The following TSEN15 variants were observed in gnomAD, a reference collection of about 807,000 sequenced individuals.
The protein encoded by TSEN15 is tRNA splicing endonuclease subunit 15.
TSEN15 carries 10 observed loss-of-function variants against 20.5 expected under a neutral mutation model. The ratio of observed to expected loss-of-function variants is 0.49; its 90% CI spans 0.30 to 0.83. The LOEUF (loss-of-function observed/expected upper bound fraction) is 0.83, where lower values mean the gene tolerates loss of function less well. Among genes scored for constraint, TSEN15 ranks in the 40% least tolerant of loss-of-function variants. The probability of loss-of-function intolerance (pLI) is 0.06; values close to 1 mark genes in which losing one functional copy is unlikely to be tolerated. For missense variants in TSEN15, 180 were observed against 218.6 expected (o/e 0.82, Z 1.11); for synonymous variants, 72 against 80.1 (o/e 0.90, Z 0.54).
At chr1:184,074,649 G>C (rs1651023054), downstream of TSEN15, among the ~76,000 whole-genome samples, 1 of 152,150 alleles carries the variant, frequency 6.6e-6, no homozygotes, top group Non-Finnish European at 1.5e-5. Flanking sequence ...TTGATTGGAA[G>C]CAGGTCATAG....
chr1:184,095,186 T>C, intron 3 of TSEN15: 1 of 398,076 alleles, frequency 2.5e-6, no homozygotes. Flanking sequence ...TTCAGTGCTC[T>C]GCTCTAGTCT....
intron 3 of TSEN15, chr1:184,095,655 C>G (rs1572725307): frequency 5.1e-6 from 2 of 393,792 alleles, no homozygotes; most frequent in South Asian, 1.3e-4. Flanking sequence ...CTCTCTCTCT[C>G]TCTCTCTCTC....
rs140346547 is a variant in TSEN15 at position 184,072,439 on chromosome 1, G to T, written c.495+141G>T. ...TCAAGAAAAAAAGTCTTGATTTTCA[G>T]ACGTCAGAAAATTGGTTATATTTTG... On this transcript the variant is annotated intron_variant, in intron 4 of 4. Transcript: ENST00000645668. 1.6e-3 allele frequency: 1,329 copies of T among 807,692 alleles called. 11 individuals are homozygous for T. The highest frequency in any genetic ancestry group is 7.2e-3 in the African/African-American group (397 of 55,416). 50.0% of individuals were successfully genotyped at this position (807,692 alleles called of 1,614,324 possible).
chr1:184,089,437 A>G (rs1651318796), intron 3 of TSEN15, among the ~76,000 whole-genome samples: 1 of 152,078 alleles, frequency 6.6e-6, no homozygotes, highest in South Asian at 2.1e-4. Context: ...AGGTATTGAG[A>G]CCCTTCCCCC....
At chr1:184,070,987 C>A in intron 3 of TSEN15, 1 of 157,696 alleles carries the variant, frequency 6.3e-6, no homozygotes. Flanking sequence ...ATCATGGAGG[C>A]AGGGGTATCT....
chr1:184,072,503 A>G, intron 4 of TSEN15: 1 of 566,990 alleles, frequency 1.8e-6, no homozygotes, highest in South Asian at 2.9e-5. Flanking sequence ...TGCAAAAAAA[A>G]AATTGATTTC....
At chr1:184,053,020 C>T (rs1406885377) in intron 1 of TSEN15, among the ~76,000 whole-genome samples, 1 of 152,178 alleles carries the variant, frequency 6.6e-6, no homozygotes, top group Non-Finnish European at 1.5e-5. Context: ...GTAAGCCATT[C>T]AACATACAGA....
Position 184,090,367 on chromosome 1 carries a change from G to A in TSEN15, c.354-5323G>A, listed in dbSNP as rs1307328174. Among the ~76,000 whole-genome samples, 4 of 152,238 alleles carry A rather than the reference G, an allele frequency of 2.6e-5. No individual in the cohort carries two copies. The South Asian group carries it at 8.3e-4, about 32-fold the overall frequency. On this transcript the variant is annotated intron_variant, in intron 3 of 3. Coordinates refer to the TSEN15 transcript ENST00000643231. ...TGAAGGAATTCAGGCAAAAGATGAT[G>A]GAAATGATCTATATGTTGATTGTGG... is the stretch of plus-strand genomic sequence containing the variant.
intron 3 of TSEN15, chr1:184,070,598 C>G: frequency 8.8e-7 from 1 of 1,134,808 alleles, no homozygotes; most frequent in East Asian, 5.8e-5. Flanking sequence ...GTATCTTTTT[C>G]TATTATTATT....
At chr1:184,081,380 TCAGTTCCAGCTGCAGGAGG>T (rs1651164660) in intron 3 of TSEN15, among the ~76,000 whole-genome samples, 1 of 152,194 alleles carries the variant, frequency 6.6e-6, no homozygotes, top group Admixed American at 6.5e-5. Flanking sequence ...TGAAATGCTG[TCAGTTCCAGCTGCAGGAGG>T]CAGTTCCAGC....
chr1:184,061,921 C>T (rs16822387), intron 3 of TSEN15, among the ~76,000 whole-genome samples: 3,130 of 152,152 alleles, frequency 0.021, 116 homozygotes, highest in African/African-American at 0.072. Context: ...AGCACAAGTA[C>T]GTTTTGTGTT....
At chr1:184,065,043 A>G (rs934503048) in intron 3 of TSEN15, among the ~76,000 whole-genome samples, 4 of 152,200 alleles carry the variant, frequency 2.6e-5, no homozygotes, top group African/African-American at 9.6e-5. Context: ...TAAAAAAGGC[A>G]TCTCAAATTA....
intron 3 of TSEN15, among the ~76,000 whole-genome samples, chr1:184,089,072 G>A (rs1000453386): frequency 1.3e-5 from 2 of 152,326 alleles, no homozygotes; most frequent in African/African-American, 4.8e-5. Context: ...CAACATGGGC[G>A]TACTTGCCAG....
chr1:184,091,756 A>C (rs1651361572), intron 3 of TSEN15, among the ~76,000 whole-genome samples: 3 of 152,186 alleles, frequency 2.0e-5, no homozygotes, highest in African/African-American at 4.8e-5. Context: ...TCCTTAAATT[A>C]CTACCTGGGA....
At chr1:184,082,097 G>T (rs1475050231) in intron 3 of TSEN15, among the ~76,000 whole-genome samples, 3 of 152,162 alleles carry the variant, frequency 2.0e-5, no homozygotes, top group Non-Finnish European at 4.4e-5. Flanking sequence ...TTCTGGGATG[G>T]ATAGTTGTTT....
At position 184,055,071 on chromosome 1, in the gene TSEN15, A is replaced by T. The variant is rs1650198705; in HGVS notation, c.353+208A>T. 7 of 307,282 alleles carry T rather than the reference A, an allele frequency of 2.3e-5. No homozygotes were observed. The South Asian group carries it at 3.3e-4, about 14-fold the overall frequency. The allele number at this position is 307,282 out of a possible 1,614,324, so 19.0% of individuals were successfully genotyped here. A position where few individuals can be genotyped will look rare whatever the true frequency, so the allele number is the denominator to read the frequency against. On this transcript the variant is annotated intron_variant, in intron 3 of 4. Transcript: ENST00000645668. ...ATACCTGAGACTGAGTAATTTCTTA[A>T]AAAAAAAAGAAGAGGTTTAAGTGGC...
At chr1:184,070,586 A>G in intron 3 of TSEN15, 1 of 1,076,136 alleles carries the variant, frequency 9.3e-7, no homozygotes, top group Non-Finnish European at 1.2e-6. Flanking sequence ...GCCTATAAAA[A>G]TGTATCTTTT....
chr1:184,076,501 C>T (rs1466990421), downstream of TSEN15, among the ~76,000 whole-genome samples: 1 of 152,042 alleles, frequency 6.6e-6, no homozygotes, highest in Non-Finnish European at 1.5e-5. Context: ...AATTAATAAC[C>T]CTACAATGGC....
intron 3 of TSEN15, chr1:184,070,561 A>C (rs1650844335): frequency 2.4e-6 from 2 of 825,564 alleles, no homozygotes; most frequent in Non-Finnish European, 3.4e-6. Flanking sequence ...GAAAAAAATT[A>C]ATTCAAGATG....
Sources: gnomAD v4.1 joint callset for allele counts (sites outside exome capture counted in the v4.1 genomes callset) on GRCh38, gnomAD v4.1.1 for gene constraint, MANE v1.5 for transcripts, NCBI Gene and HGNC (gene_info 2026-07-23, HGNC 2026-07-21) for gene names.